The following BBOF1 variants were observed in gnomAD, a reference collection of about 807,000 sequenced individuals.
BBOF1 encodes basal body orientation factor 1.
A neutral mutation model predicts 68.0 loss-of-function variants in BBOF1; 62 were observed. The ratio of observed to expected loss-of-function variants is 0.91; its 90% CI spans 0.74 to 1.13. The LOEUF (loss-of-function observed/expected upper bound fraction) is 1.13. Ranked by LOEUF, BBOF1 falls within the 50% of genes most tolerant of loss-of-function variation. BBOF1 has a pLI of 0.00. For synonymous variants in BBOF1, 208 were observed against 198.8 expected (o/e 1.05, Z -0.39); for missense variants, 534 against 600.1 (o/e 0.89, Z 1.15).
At chr14:74,047,898 A>G (rs1302943323) in intron 6 of BBOF1, 32 bp from the exon 7 acceptor site, 2 of 1,563,532 alleles carry the variant, frequency 1.3e-6, no homozygotes, top group Non-Finnish European at 1.7e-6. Flanking sequence ...TAAAAGTTAG[A>G]CCTGTGTTTT....
downstream of BBOF1, chr14:74,070,622 C>CA: frequency 6.3e-6 from 1 of 159,956 alleles, no homozygotes; most frequent in Admixed American, 6.0e-5. Flanking sequence ...TTTTTAAAAG[C>CA]AAAAATCAGA....
At position 74,019,356 on chromosome 14, in the gene BBOF1, G is replaced by A; in HGVS notation, c.-123G>A. On this transcript the variant is annotated 5_prime_UTR_variant, in exon 1 of 12. Coordinates refer to ENST00000394009, the MANE Select transcript of BBOF1 (RefSeq NM_025057.3). ...TACGTCACGGGCGCGTGCGCTCTCC[G>A]CGCGCCGTCAGCGGCGCGGGTGGGG... The A allele has an allele frequency of 2.3e-6, 3 of 1,299,406 alleles. No individual in the cohort carries two copies. Among genetic ancestry groups the A allele is most frequent in the South Asian group, 1.6e-5 (1 of 61,252 alleles). The allele number at this position is 1,299,406 out of a possible 1,614,324, so 80.5% of individuals were successfully genotyped here.
chr14:74,019,823 G>A (rs1291222713), intron 1 of BBOF1, among the ~76,000 whole-genome samples: 1 of 152,216 alleles, frequency 6.6e-6, no homozygotes, highest in Admixed American at 6.5e-5. Flanking sequence ...GATAATTATT[G>A]AGGTTTTCCC....
rs1226647814 is a variant in BBOF1 at position 74,065,400 on chromosome 14, T to C, written c.*701T>C. The C allele has an allele frequency of 6.3e-7, 1 of 1,595,434 alleles. No individual in the cohort carries two copies. The highest frequency in any genetic ancestry group is 8.6e-7 in the Non-Finnish European group (1 of 1,166,262). On this transcript the variant is annotated 3_prime_UTR_variant, in exon 12 of 12. Transcript: ENST00000394009. ...GCATCCAGAAAAGAAGTCAGCTTTT[T>C]GGATTCTGAGTATTTTATGCTTATT...
At chr14:74,067,448 A>T, downstream of BBOF1, 1 of 1,614,184 alleles carries the variant, frequency 6.2e-7, no homozygotes, top group Non-Finnish European at 8.5e-7. Context: ...TTCTCCCACA[A>T]GGACTGCTGT....
intron 5 of BBOF1, 97 bp from the exon 6 acceptor site, chr14:74,045,962 AG>A (rs1374198446): frequency 2.1e-5 from 22 of 1,044,526 alleles, no homozygotes; most frequent in Non-Finnish European, 3.1e-5. Flanking sequence ...TCATGGGGAC[AG>A]GAGTTTTTTA....
chr14:74,071,863 T>C, intron 9 of BBOF1: 1 of 1,607,012 alleles, frequency 6.2e-7, no homozygotes, highest in Admixed American at 1.7e-5. Flanking sequence ...CTTTGGTCCT[T>C]CCCAAAAGTC....
Position 74,048,093 on chromosome 14 carries a change from T to G in BBOF1, c.792+19T>G. On this transcript the variant is annotated intron_variant, in intron 7 of 11. Coordinates refer to ENST00000394009, the MANE Select transcript of BBOF1 (RefSeq NM_025057.3). ...TCAAAAGGTTCCCTCTCATTTAGAC[T>G]TGGTGTCCTTCTTTTCTTTATTTAA... is the stretch of plus-strand genomic sequence containing the variant. 4.4e-6 allele frequency: 7 copies of G among 1,594,952 alleles called. No individual in the cohort carries two copies. The highest frequency in any genetic ancestry group is 5.1e-6 in the Non-Finnish European group (6 of 1,173,898).
At chr14:74,032,225 C>G (rs1024459077) in intron 3 of BBOF1, among the ~76,000 whole-genome samples, 9 of 146,322 alleles carry the variant, frequency 6.2e-5, no homozygotes, top group African/African-American at 2.3e-4. Context: ...CTCCCGGGTT[C>G]AAGCGATTCT....
intron 9 of BBOF1, among the ~76,000 whole-genome samples, chr14:74,076,430 C>T (rs943108553): frequency 2.0e-4 from 30 of 151,982 alleles, no homozygotes; most frequent in Non-Finnish European, 3.2e-4. Flanking sequence ...GGCATGATCT[C>T]GGCTCACTGC....
intron 6 of BBOF1, among the ~76,000 whole-genome samples, chr14:74,047,543 C>T (rs1246375201): frequency 6.6e-6 from 1 of 151,944 alleles, no homozygotes; most frequent in African/African-American, 2.4e-5. Context: ...AAGTGGTTCT[C>T]CTTCCTCAGC....
At chr14:74,055,481 G>A (rs760419654) in intron 8 of BBOF1, 103 bp from the exon 9 acceptor site, 1 of 772,596 alleles carries the variant, frequency 1.3e-6, no homozygotes, top group Non-Finnish European at 2.2e-6. Context: ...ATTATGGTGT[G>A]GAATTTATCC....
At position 74,065,504 on chromosome 14, in the gene BBOF1, T is replaced by A; in HGVS notation, c.*805T>A. 2.5e-6 allele frequency: 2 copies of A among 815,308 alleles called. No homozygotes were observed. The highest frequency in any genetic ancestry group is 1.7e-5 in the African/African-American group (1 of 57,724). 50.5% of individuals were successfully genotyped at this position (815,308 alleles called of 1,614,324 possible). On this transcript the variant is annotated 3_prime_UTR_variant, in exon 12 of 12. Coordinates refer to ENST00000394009, the MANE Select transcript of BBOF1 (RefSeq NM_025057.3). ...TCTCTTTTCATTTCAAATCACCTAT[T>A]TAAAAAAAAAGTCCTCTCTCAAGTG... is the stretch of plus-strand genomic sequence containing the variant.
chr14:74,024,499 T>C (rs1709741002), intron 2 of BBOF1, among the ~76,000 whole-genome samples: 1 of 152,144 alleles, frequency 6.6e-6, no homozygotes, highest in Non-Finnish European at 1.5e-5. Flanking sequence ...AGGGTCTCTC[T>C]CTATTGCCTG....
chr14:74,071,380 A>G (rs1416582216), intron 9 of BBOF1: 1 of 1,614,186 alleles, frequency 6.2e-7, no homozygotes, highest in Admixed American at 1.7e-5. Context: ...GAATGGAGCA[A>G]TGCCTGCACA....
intron 9 of BBOF1, chr14:74,071,788 G>T: frequency 6.7e-7 from 1 of 1,484,678 alleles, no homozygotes; most frequent in Non-Finnish European, 9.4e-7. Flanking sequence ...AGATATCATG[G>T]GATGGCAAAA....
At chr14:74,029,384 A>G in intron 3 of BBOF1, 135 bp downstream of exon 3, 1 of 563,958 alleles carries the variant, frequency 1.8e-6, no homozygotes, top group Admixed American at 3.0e-5. Context: ...TTGATTGTAT[A>G]GAAATTCAAA....
intron 5 of BBOF1, among the ~76,000 whole-genome samples, chr14:74,044,662 A>C (rs984315845): frequency 6.6e-6 from 1 of 152,080 alleles, no homozygotes; most frequent in Non-Finnish European, 1.5e-5. Flanking sequence ...GCGGTGGTTC[A>C]TGCCTGTAAT....
At chr14:74,044,657 G>C (rs534502663) in intron 5 of BBOF1, among the ~76,000 whole-genome samples, 1 of 152,002 alleles carries the variant, frequency 6.6e-6, no homozygotes, top group African/African-American at 2.4e-5. Flanking sequence ...CAGGCGCGGT[G>C]GTTCATGCCT....
Sources: allele counts gnomAD v4.1 joint callset (sites outside exome capture counted in the v4.1 genomes callset), GRCh38; gene constraint gnomAD v4.1.1; transcripts MANE v1.5; gene names NCBI Gene and HGNC (gene_info 2026-07-23, HGNC 2026-07-21).